The following PPP1R9A variants were observed in gnomAD, a reference collection of about 807,000 sequenced individuals.
The protein encoded by PPP1R9A is neurabin-1.
Under a neutral mutation model 141.9 loss-of-function variants are expected in PPP1R9A, and 59 were observed. The ratio of observed to expected loss-of-function variants is 0.42; its 90% CI spans 0.34 to 0.52. The LOEUF (loss-of-function observed/expected upper bound fraction) is 0.52, where lower values mean the gene tolerates loss of function less well. PPP1R9A is among the 20% of genes least tolerant of loss of function. The pLI is 0.10. For missense variants in PPP1R9A, 1,444 were observed against 1,611.9 expected (o/e 0.90, Z 1.78); for synonymous variants, 500 against 569.7 (o/e 0.88, Z 1.74).
At chr7:95,076,937 CTT>C (rs1238576494) in intron 2 of PPP1R9A, among the ~76,000 whole-genome samples, 2 of 151,960 alleles carry the variant, frequency 1.3e-5, no homozygotes, top group African/African-American at 2.4e-5. Context: ...AGTTTTATCT[CTT>C]TCTTTCCAAC....
chr7:95,131,628 T>C (rs1431750273), intron 4 of PPP1R9A, among the ~76,000 whole-genome samples: 1 of 151,860 alleles, frequency 6.6e-6, no homozygotes, highest in African/African-American at 2.4e-5. Context: ...TTAGGTTCTA[T>C]ATGAATTTTA....
chr7:95,055,281 A>G (rs1584465091), intron 2 of PPP1R9A, among the ~76,000 whole-genome samples: 1 of 151,208 alleles, frequency 6.6e-6, no homozygotes, highest in Non-Finnish European at 1.5e-5. Context: ...CAACCTCCCC[A>G]TTTCTGTTGA....
At chr7:95,087,662 C>T (rs545291907) in intron 2 of PPP1R9A, among the ~76,000 whole-genome samples, 6 of 152,020 alleles carry the variant, frequency 3.9e-5, no homozygotes, top group South Asian at 4.1e-4. Context: ...TTTGGGAGGT[C>T]GAGGCGAGTA....
intron 2 of PPP1R9A, among the ~76,000 whole-genome samples, chr7:94,970,475 T>G (rs563350207): frequency 6.6e-6 from 1 of 152,236 alleles, no homozygotes; most frequent in South Asian, 2.1e-4. Flanking sequence ...CACCCTGCTT[T>G]GTCTCACTGT....
chr7:95,054,317 G>T (rs1450905226), intron 2 of PPP1R9A, among the ~76,000 whole-genome samples: 2 of 151,284 alleles, frequency 1.3e-5, no homozygotes, highest in Non-Finnish European at 2.9e-5. Flanking sequence ...TAGAGACGGG[G>T]TTTCACCATG....
At chr7:94,912,950 C>G (rs1287208712) in intron 2 of PPP1R9A, among the ~76,000 whole-genome samples, 1 of 152,120 alleles carries the variant, frequency 6.6e-6, no homozygotes, top group African/African-American at 2.4e-5. Flanking sequence ...GTGCCTTTCC[C>G]CCAAGCCTAT....
chr7:95,021,131 C>T (rs1189430643), intron 2 of PPP1R9A, among the ~76,000 whole-genome samples: 2 of 152,184 alleles, frequency 1.3e-5, no homozygotes, highest in Non-Finnish European at 2.9e-5. Flanking sequence ...TCCTCTCCAG[C>T]ATCTGTTGTT....
rs565771230 is a variant in PPP1R9A at position 95,257,691 on chromosome 7, T to TG, written c.2665+5561_2665+5562insG. Among the ~76,000 whole-genome samples, 41 of 151,722 alleles carry TG rather than the reference T, an allele frequency of 2.7e-4. No homozygotes were observed. In the East Asian group the frequency reaches 7.8e-3, roughly 29 times the overall value. On this transcript the variant is annotated intron_variant, in intron 12 of 19. Transcript: ENST00000433360. ...CTCCCCCCACCCCACAACAGGCCCC[T>TG]ATGTGTGATGTTCCCCTTCCTGTGT...
chr7:95,021,257 C>A (rs765993819), intron 2 of PPP1R9A, among the ~76,000 whole-genome samples: 1 of 150,830 alleles, frequency 6.6e-6, no homozygotes, highest in South Asian at 2.1e-4. Flanking sequence ...GTTTGTTGGC[C>A]GCATAAATGT....
At chr7:95,168,098 A>G (rs1182221038) in intron 5 of PPP1R9A, among the ~76,000 whole-genome samples, 5 of 152,188 alleles carry the variant, frequency 3.3e-5, no homozygotes, top group African/African-American at 1.2e-4. Flanking sequence ...GATTCTGTGC[A>G]AAAAGAACAA....
intron 4 of PPP1R9A, among the ~76,000 whole-genome samples, chr7:95,149,777 T>C (rs1226637106): frequency 1.3e-5 from 2 of 151,422 alleles, no homozygotes; most frequent in Non-Finnish European, 3.0e-5. Flanking sequence ...TGTCAGTTCT[T>C]CCCTACTTAA....
chr7:95,148,814 A>G (rs1051876444), intron 4 of PPP1R9A, among the ~76,000 whole-genome samples: 1 of 152,172 alleles, frequency 6.6e-6, no homozygotes, highest in African/African-American at 2.4e-5. Flanking sequence ...TATCTCTTCC[A>G]GAATATAAAA....
At position 95,108,307 on chromosome 7, in the gene PPP1R9A, CT is replaced by C. The variant is rs1166103728; in HGVS notation, c.1396-2926del. Among the ~76,000 whole-genome samples, 334 of 59,560 alleles carry C rather than the reference CT, an allele frequency of 5.6e-3. 1 individual carries two copies. The highest frequency in any genetic ancestry group is 0.02 in the South Asian group (32 of 1,584). 39.1% of individuals were successfully genotyped at this position (59,560 alleles called of 152,430 possible). On this transcript the variant is annotated intron_variant, in intron 2 of 19. Transcript: ENST00000433360. ...TTTTCTTTTCTTTTTCGTTTCTTTT[CT>C]TTTTTTTTTTTTTTTTTTTTTTTTT... is the stretch of plus-strand genomic sequence containing the variant.
chr7:95,131,042 G>T (rs570321621), intron 4 of PPP1R9A, among the ~76,000 whole-genome samples: 54 of 152,254 alleles, frequency 3.5e-4, no homozygotes, highest in African/African-American at 1.3e-3. Context: ...AGGTGTAATT[G>T]GTTTTGAAAT....
intron 2 of PPP1R9A, among the ~76,000 whole-genome samples, chr7:95,109,850 A>G (rs1252452942): frequency 6.6e-6 from 1 of 151,744 alleles, no homozygotes; most frequent in Non-Finnish European, 1.5e-5. Context: ...GAAAAAAAAA[A>G]GAAGAAGAAA....
intron 8 of PPP1R9A, among the ~76,000 whole-genome samples, chr7:95,240,555 C>T (rs1490500681): frequency 6.6e-6 from 1 of 151,072 alleles, no homozygotes; most frequent in African/African-American, 2.4e-5. Context: ...ATTAATTATG[C>T]TTTTTGTTAA....
At chr7:95,094,953 G>T (rs762199896) in intron 2 of PPP1R9A, among the ~76,000 whole-genome samples, 13 of 150,494 alleles carry the variant, frequency 8.6e-5, no homozygotes, top group Non-Finnish European at 1.2e-4. Context: ...TGTAGGAGGA[G>T]AAGAGGAAGT....
chr7:94,970,988 T>C (rs1267677339), intron 2 of PPP1R9A, among the ~76,000 whole-genome samples: 1 of 152,194 alleles, frequency 6.6e-6, no homozygotes, highest in African/African-American at 2.4e-5. Context: ...TCTCTATGCT[T>C]TCTCATTCAG....
At position 95,294,397 on chromosome 7, in the gene PPP1R9A, T is replaced by C. The variant is rs1806808068; in HGVS notation, c.*4094T>C. On this transcript the variant is annotated 3_prime_UTR_variant, in exon 20 of 20. Coordinates refer to ENST00000433360, the MANE Select transcript of PPP1R9A (RefSeq NM_001166160.2). ...GGTCCTCCTGCTTCAGCTTCCCAAG[T>C]AGCTGGGACTACAGGCATGTGCCAC... The C allele has an allele frequency of 6.6e-6, 1 of 150,938 alleles. No homozygotes were observed. The highest frequency in any genetic ancestry group is 1.5e-5 in the Non-Finnish European group (1 of 67,922). The allele number at this position is 150,938 out of a possible 1,614,324, so 9.3% of individuals were successfully genotyped here.
Sources: gnomAD v4.1 joint callset for allele counts (sites outside exome capture counted in the v4.1 genomes callset) on GRCh38, gnomAD v4.1.1 for gene constraint, MANE v1.5 for transcripts, NCBI Gene and HGNC (gene_info 2026-07-23, HGNC 2026-07-21) for gene names.